BAZ2A: variants seen among roughly 807,000 people sequenced by gnomAD.
The protein encoded by BAZ2A is bromodomain adjacent to zinc finger domain protein 2A.
BAZ2A carries 34 observed loss-of-function variants against 199.9 expected under a neutral mutation model. That is an observed-to-expected ratio of 0.17 (90% confidence interval 0.13 to 0.23). The LOEUF is 0.23. BAZ2A is among the 10% of genes least tolerant of loss of function. The probability of loss-of-function intolerance (pLI) is 1.00; values close to 1 mark genes in which losing one functional copy is unlikely to be tolerated. For synonymous variants in BAZ2A, 857 were observed against 883.9 expected (o/e 0.97, Z 0.54); for missense variants, 2,002 against 2,391.1 (o/e 0.84, Z 3.39).
chr12:56,599,865 A>T lies in BAZ2A; in HGVS notation c.5026-17T>A. On this transcript the variant is annotated splice_polypyrimidine_tract_variant and intron_variant, in intron 25 of 28. Transcript: ENST00000549884. ...TAGACATGTCTGGACCAAGGTTGTG[A>T]GGAGGCAGAATGAGCTCTCCAGCCT... The T allele has an allele frequency of 6.2e-7, 1 of 1,613,898 alleles. No individual in the cohort carries two copies. Among genetic ancestry groups the T allele is most frequent in the Non-Finnish European group, 8.5e-7 (1 of 1,179,846 alleles).
At chr12:56,622,833 GC>G (rs1950961522) in intron 1 of BAZ2A, among the ~76,000 whole-genome samples, 1 of 152,150 alleles carries the variant, frequency 6.6e-6, no homozygotes, top group South Asian at 2.1e-4. Context: ...AAGGGACATT[GC>G]CCTATAAGCT....
At chr12:56,623,777 C>G (rs1950998126) in intron 1 of BAZ2A, among the ~76,000 whole-genome samples, 1 of 152,132 alleles carries the variant, frequency 6.6e-6, no homozygotes. Flanking sequence ...AAGATATTAT[C>G]TGGCCCACGT....
At chr12:56,631,526 T>C (rs560017655), upstream of BAZ2A, among the ~76,000 whole-genome samples, 12 of 151,178 alleles carry the variant, frequency 7.9e-5, no homozygotes, top group African/African-American at 2.9e-4. Context: ...CCCAAAGAGG[T>C]TCAATGACTT....
At chr12:56,634,864 G>T (rs1385235713), upstream of BAZ2A, 4 of 961,742 alleles carry the variant, frequency 4.2e-6, no homozygotes, top group African/African-American at 7.1e-5. Context: ...GAATCCCGGG[G>T]CAGCAGGGAT....
chr12:56,628,058 T>C (rs1018392521), intron 1 of BAZ2A, among the ~76,000 whole-genome samples: 1 of 149,496 alleles, frequency 6.7e-6, no homozygotes, highest in Non-Finnish European at 1.5e-5. Context: ...GGCGGGCTCC[T>C]GTAATCCCAG....
rs1387889911 is a variant in BAZ2A at position 56,606,266 on chromosome 12, T to C, written c.2240A>G (p.Glu747Gly). The C allele has an allele frequency of 6.2e-7, 1 of 1,614,038 alleles. No individual in the cohort carries two copies. The highest frequency in any genetic ancestry group is 1.7e-5 in the Admixed American group (1 of 60,032). Residue 747 changes from glutamate to glycine, a missense_variant, in exon 12 of 29, where the codon GAA becomes GGA. Physicochemically the swap from Glu to Gly is moderately conservative, Grantham distance 98. Transcript: ENST00000549884. ...KQETKSLKQK[E>G]AKKKSKAEKE... ...ACCTACCTTGGATTTCTTCTTAGCT[T>C]CCTTCTGCTTTAAGCTCTTGGTCTC...
At chr12:56,605,423 A>ATTTTT in intron 13 of BAZ2A, 96 bp from the exon 14 acceptor site, 2 of 1,066,702 alleles carry the variant, frequency 1.9e-6, no homozygotes, top group African/African-American at 3.4e-5. Context: ...TTTTTATGTA[A>ATTTTT]TTTTTTTTTT....
rs1218800242 is a variant in BAZ2A, at chr12:56,617,463, G to A, written c.68C>T (p.Pro23Leu). 9 of 1,608,858 alleles carry A rather than the reference G, an allele frequency of 5.6e-6. No individual in the cohort carries two copies. The highest frequency in any genetic ancestry group is 7.6e-6 in the Non-Finnish European group (9 of 1,177,862). The change falls in exon 2 of 29, where the codon CCC becomes CTC. Residue 23 changes from proline (P) to leucine (L), a missense_variant. Coordinates refer to ENST00000549884, the MANE Select transcript of BAZ2A (RefSeq NM_001300905.2). The part of the protein sequence containing the change: ...PPAPAASGLK[P>L]SPSSGEGLYT... Reference sequence around the variant, plus strand: ...GAGGCCCTCCCCTGAGGAAGGAGAGGGTTTCAGTCCTGAGGCAGCAGGTGC... The same window carrying A: ...GAGGCCCTCCCCTGAGGAAGGAGAGAGTTTCAGTCCTGAGGCAGCAGGTGC...
chr12:56,617,313 T>C (rs1950755006), intron 2 of BAZ2A, 82 bp downstream of exon 2: 2 of 1,325,232 alleles, frequency 1.5e-6, no homozygotes, highest in Non-Finnish European at 2.0e-6. Context: ...AGCAGCAAAG[T>C]AGAGCAAAAT....
At chr12:56,608,470 C>T (rs902536505) in intron 10 of BAZ2A, among the ~76,000 whole-genome samples, 1 of 151,962 alleles carries the variant, frequency 6.6e-6, no homozygotes, top group Non-Finnish European at 1.5e-5. Flanking sequence ...AGTTTTTTCA[C>T]ATTCTTCACA....
intron 1 of BAZ2A, among the ~76,000 whole-genome samples, chr12:56,623,361 GACA>G (rs1411103462): frequency 6.6e-6 from 1 of 152,082 alleles, no homozygotes; most frequent in Non-Finnish European, 1.5e-5. Flanking sequence ...TACCCCCCAG[GACA>G]ACAAGACACA....
At chr12:56,600,518 C>T (rs1221781755) in intron 23 of BAZ2A, 28 bp from the exon 24 acceptor site, 1 of 1,597,378 alleles carries the variant, frequency 6.3e-7, no homozygotes, top group African/African-American at 1.3e-5. Context: ...GAATAAAACT[C>T]ACTGTAAAAG....
In BAZ2A at chr12:56,598,346, CAGAAA is replaced by C; in HGVS notation, c.*267_*271del. 2.8e-6 allele frequency: 1 copy of C among 361,116 alleles called. No individual in the cohort carries two copies. Among genetic ancestry groups the C allele is most frequent in the Non-Finnish European group, 5.0e-6 (1 of 199,626 alleles). The allele number at this position is 361,116 out of a possible 1,614,324, so 22.4% of individuals were successfully genotyped here. A position where few individuals can be genotyped will look rare whatever the true frequency, so the allele number is the denominator to read the frequency against. On this transcript the variant is annotated 3_prime_UTR_variant, in exon 29 of 29. Coordinates refer to ENST00000549884, the MANE Select transcript of BAZ2A (RefSeq NM_001300905.2). ...CCCCATTTTTAATTAGCAAATAAAACAGAAAAGAAAAATTATTTTTTTCTTTCTTT... is the reference window on the plus strand; with the variant it reads ...CCCCATTTTTAATTAGCAAATAAAACAGAAAAATTATTTTTTTCTTTCTTT...
In BAZ2A at chr12:56,601,630, G is replaced by A. The variant is rs766296660; in HGVS notation, c.3987C>T (p.Pro1329=). The A allele has an allele frequency of 1.9e-6, 3 of 1,613,974 alleles. No homozygotes were observed. The South Asian group carries it at 3.3e-5, about 18-fold the overall frequency. The change falls in exon 20 of 29, where the codon CCC becomes CCT. Residue 1329 remains proline (P), a synonymous_variant. Coordinates refer to ENST00000549884, the MANE Select transcript of BAZ2A (RefSeq NM_001300905.2). ...GGGGCGGTGTGGGGGCAGCATTGCA[G>A]GGCATCTGGGCTGAGATGTTAAACC... ...ALWFNISAQM[P]CNAAPTPPPA... is the part of the protein sequence containing the mutation.
At chr12:56,606,383 A>T in intron 11 of BAZ2A, 71 bp from the exon 12 acceptor site, 7 of 1,570,730 alleles carry the variant, frequency 4.5e-6, no homozygotes, top group Non-Finnish European at 6.1e-6. Flanking sequence ...GGATTCAAAA[A>T]CAGACAAGGG....
chr12:56,614,541 A>G (rs1950656974), intron 3 of BAZ2A, among the ~76,000 whole-genome samples: 1 of 151,214 alleles, frequency 6.6e-6, no homozygotes, highest in Admixed American at 6.6e-5. Context: ...GCTAAACAAC[A>G]AAAAAAAGGA....
intron 1 of BAZ2A, among the ~76,000 whole-genome samples, chr12:56,626,500 CA>C (rs1951100038): frequency 6.6e-6 from 1 of 152,208 alleles, no homozygotes; most frequent in East Asian, 1.9e-4. Flanking sequence ...CGCAAGACTA[CA>C]AGATGAACCC....
rs1396730050 is a variant in BAZ2A at position 56,606,284 on chromosome 12, T to C, written c.2222A>G (p.Lys741Arg). Residue 741 changes from lysine (K) to arginine (R), a missense_variant, in exon 12 of 29, where the codon AAG becomes AGG. Lys to Arg is a conservative substitution (Grantham distance 26). Transcript: ENST00000549884. ...CTTAGCTTCCTTCTGCTTTAAGCTC[T>C]TGGTCTCTTGTTTCCGCTTATTTCT... ...QARNKRKQET[K>R]SLKQKEAKKK... 2.5e-6 allele frequency: 4 copies of C among 1,613,922 alleles called. No individual in the cohort carries two copies. The highest frequency in any genetic ancestry group is 3.4e-6 in the Non-Finnish European group (4 of 1,179,902).
Position 56,610,101 on chromosome 12 carries a change from C to T in BAZ2A, c.1881+13G>A. On this transcript the variant is annotated intron_variant, in intron 9 of 28. Transcript: ENST00000549884. ...CTCAGGGACAAAAGCATATTTAACCCTTGGGTCTGCACCTCTGGCGTGTCT... is the reference window on the plus strand; with the variant it reads ...CTCAGGGACAAAAGCATATTTAACCTTTGGGTCTGCACCTCTGGCGTGTCT... 6.2e-7 allele frequency: 1 copy of T among 1,613,400 alleles called. No homozygotes were observed. Among genetic ancestry groups the T allele is most frequent in the South Asian group, 1.1e-5 (1 of 91,040 alleles).
Sources: gnomAD v4.1 joint callset for allele counts (sites outside exome capture counted in the v4.1 genomes callset) on GRCh38, gnomAD v4.1.1 for gene constraint, MANE v1.5 for transcripts, NCBI Gene and HGNC (gene_info 2026-07-23, HGNC 2026-07-21) for gene names.